Variants in TJP2 observed in about 807,000 individuals in gnomAD.
The protein encoded by TJP2 is Friedreich ataxia region gene X104 (tight junction protein ZO-2).
In TJP2, 91 loss-of-function variants were observed where a neutral mutation model predicts 133.1. The observed-to-expected ratio is 0.68, with a 90% CI of 0.58 to 0.81. The LOEUF is 0.81. Among genes scored for constraint, TJP2 ranks in the 40% least tolerant of loss-of-function variants. TJP2 has a pLI of 0.00. For missense variants in TJP2, 1,541 were observed against 1,565.6 expected (o/e 0.98, Z 0.26); for synonymous variants, 592 against 583.4 (o/e 1.01, Z -0.21).
At chr9:69,207,052 T>A (rs1827484157) in intron 1 of TJP2, among the ~76,000 whole-genome samples, 1 of 152,234 alleles carries the variant, frequency 6.6e-6, no homozygotes, top group Non-Finnish European at 1.5e-5. Flanking sequence ...CTCTGCCTCC[T>A]GCCCAGGTCA....
rs754221310 is a variant in TJP2 at position 69,203,607 on chromosome 9, A to ATTTTTTTTTTTT, written c.61-8928_61-8917dup. Among the ~76,000 whole-genome samples, 123 of 67,836 alleles carry ATTTTTTTTTTTT rather than the reference A, an allele frequency of 1.8e-3. 13 individuals are homozygous for ATTTTTTTTTTTT. Among genetic ancestry groups the ATTTTTTTTTTTT allele is most frequent in the East Asian group, 5.1e-3 (8 of 1,558 alleles). The allele number at this position is 67,836 out of a possible 152,430, so 44.5% of individuals were successfully genotyped here. A position where few individuals can be genotyped will look rare whatever the true frequency, so the allele number is the denominator to read the frequency against. On this transcript the variant is annotated intron_variant, in intron 1 of 22. Transcript: ENST00000377245. ...GCATGAGCCACGGTGCCCAGCCTGG[A>ATTTTTTTTTTTT]TTTTTTTTTTTTTTTTTTTTTTTTG...
chr9:69,167,543 G>A (rs1471264726), intron 2 of TJP2, among the ~76,000 whole-genome samples: 2 of 152,130 alleles, frequency 1.3e-5, no homozygotes, highest in African/African-American at 4.8e-5. Flanking sequence ...TACACCTTAA[G>A]TTACTTGCTT....
chr9:69,216,485 G>A (rs776628650), intron 3 of TJP2, 22 bp downstream of exon 3: 20 of 1,613,332 alleles, frequency 1.2e-5, no homozygotes, highest in Middle Eastern at 1.7e-4. Context: ...CCCTCGCTCC[G>A]CAGCCCCTAC....
At chr9:69,133,546 CTTTTTTTTTTT>C (rs10577570) in intron 1 of TJP2, among the ~76,000 whole-genome samples, 5 of 104,782 alleles carry the variant, frequency 4.8e-5, no homozygotes, top group Non-Finnish European at 7.2e-5. Flanking sequence ...ATTTTTCTGG[CTTTTTTTTTTT>C]TTTTTTTTTT....
chr9:69,160,443 A>C (rs1165040268), intron 2 of TJP2, among the ~76,000 whole-genome samples: 2 of 152,226 alleles, frequency 1.3e-5, no homozygotes, highest in East Asian at 3.9e-4. Context: ...GATTTTGTTC[A>C]TTATGACTCC....
chr9:69,129,955 C>T (rs754349802), intron 1 of TJP2, among the ~76,000 whole-genome samples: 19 of 142,150 alleles, frequency 1.3e-4, no homozygotes, highest in Non-Finnish European at 2.8e-4. Flanking sequence ...GCGGAGGTTG[C>T]AGTGAGCCAA....
At chr9:69,250,978 T>C (rs1831286301) in intron 20 of TJP2, 57 bp from the exon 21 acceptor site, 3 of 1,498,538 alleles carry the variant, frequency 2.0e-6, no homozygotes, top group African/African-American at 1.4e-5. Context: ...ATCACTAATA[T>C]AGATTTGAAA....
intron 1 of TJP2, among the ~76,000 whole-genome samples, chr9:69,133,740 A>G (rs1476423292): frequency 6.6e-5 from 10 of 151,444 alleles, no homozygotes; most frequent in Admixed American, 6.6e-4. Flanking sequence ...TAGTACAGAC[A>G]GTGTTTCACC....
chr9:69,151,619 T>C (rs1823483244), intron 1 of TJP2: 8 of 1,231,808 alleles, frequency 6.5e-6, no homozygotes, highest in Admixed American at 4.2e-5. Context: ...GGAATGAGCA[T>C]GTTGGATTTT....
chr9:69,221,539 G>T, intron 5 of TJP2, 43 bp downstream of exon 5: 1 of 1,578,320 alleles, frequency 6.3e-7, no homozygotes, highest in South Asian at 1.2e-5. Flanking sequence ...GTTGTGATAT[G>T]AATAACCTTT....
At chr9:69,226,716 C>T (rs986013500) in intron 7 of TJP2, among the ~76,000 whole-genome samples, 1 of 152,190 alleles carries the variant, frequency 6.6e-6, no homozygotes. Flanking sequence ...CCAGGCTGGT[C>T]TTGAACTCCT....
At chr9:69,211,778 G>A (rs1160834859) in intron 1 of TJP2, among the ~76,000 whole-genome samples, 1 of 152,138 alleles carries the variant, frequency 6.6e-6, no homozygotes, top group African/African-American at 2.4e-5. Flanking sequence ...CCATCTGTGT[G>A]CTGGTATTTT....
intron 2 of TJP2, among the ~76,000 whole-genome samples, chr9:69,165,284 C>T (rs1341766966): frequency 1.3e-5 from 2 of 152,116 alleles, no homozygotes; most frequent in Admixed American, 6.5e-5. Flanking sequence ...TGTGCCATCA[C>T]GCTAGCTCAT....
intron 5 of TJP2, among the ~76,000 whole-genome samples, chr9:69,224,123 A>G (rs7863144): frequency 0.33 from 50,562 of 152,042 alleles, 8,761 homozygotes; most frequent in Middle Eastern, 0.38. Flanking sequence ...AGTAATTACA[A>G]TGTTTTTGTT....
rs769114347 is a variant in TJP2, at chr9:69,229,235, A to G, written c.1505A>G (p.Asp502Gly). Residue 502 changes from aspartate to glycine, a missense_variant, in exon 10 of 23, where the codon GAT becomes GGT. Coordinates refer to ENST00000377245, the MANE Select transcript of TJP2 (RefSeq NM_004817.4). ...ACTTTTCTTCGTCCTAGTCCTGAAG[A>G]TGAAGCAATATATGGGTATGTATTT... ...PRTFLRPSPE[D>G]EAIYGPNTKM... 1 of 1,614,090 alleles carries G rather than the reference A, an allele frequency of 6.2e-7. No individual in the cohort carries two copies. The highest frequency in any genetic ancestry group is 1.1e-5 in the South Asian group (1 of 91,076).
intron 11 of TJP2, among the ~76,000 whole-genome samples, chr9:69,230,689 CTGGTTCA>C (rs1829705875): frequency 6.6e-6 from 1 of 152,134 alleles, no homozygotes; most frequent in African/African-American, 2.4e-5. Context: ...TTCTGTGACC[CTGGTTCA>C]CCCTGAGACT....
intron 2 of TJP2, among the ~76,000 whole-genome samples, chr9:69,161,519 GC>G (rs1342291576): frequency 6.6e-6 from 1 of 151,974 alleles, no homozygotes; most frequent in Non-Finnish European, 1.5e-5. Flanking sequence ...GAGCCACTGC[GC>G]CCGGCCTGAT....
intron 1 of TJP2, among the ~76,000 whole-genome samples, chr9:69,129,320 G>C (rs543166740): frequency 9.4e-4 from 143 of 152,178 alleles, no homozygotes; most frequent in African/African-American, 3.2e-3. Flanking sequence ...AGACCAGCCT[G>C]GCCAACATGG....
At chr9:69,155,511 CTG>C (rs1554771195) in intron 2 of TJP2, among the ~76,000 whole-genome samples, 3 of 152,252 alleles carry the variant, frequency 2.0e-5, no homozygotes, top group African/African-American at 7.2e-5. Context: ...TTCAGGCAGT[CTG>C]GGGTAAGTCC....
Sources: allele counts gnomAD v4.1 joint callset (sites outside exome capture counted in the v4.1 genomes callset), GRCh38; gene constraint gnomAD v4.1.1; transcripts MANE v1.5; gene names NCBI Gene and HGNC (gene_info 2026-07-23, HGNC 2026-07-21).